The following KLF15 variants were observed in gnomAD, a reference collection of about 807,000 sequenced individuals.
KLF15 encodes KLF transcription factor 15, also known as Krueppel-like factor 15.
KLF15 carries 4 observed loss-of-function variants against 24.6 expected under a neutral mutation model. That is an observed-to-expected ratio of 0.16 (90% confidence interval 0.08 to 0.37). The LOEUF (loss-of-function observed/expected upper bound fraction) is 0.37, where lower values mean the gene tolerates loss of function less well. Ranked by LOEUF, KLF15 falls within the 10% of genes least tolerant of loss-of-function variation. The pLI is 1.00. For missense variants in KLF15, 496 were observed against 560.6 expected, an observed-to-expected ratio of 0.88 and a Z score of 1.16; for synonymous variants, 246 against 236.3, an observed-to-expected ratio of 1.04 and a Z score of -0.37.
At chr3:126,338,075 G>A (rs530232871), downstream of KLF15, among the ~76,000 whole-genome samples, 13 of 152,338 alleles carry the variant, frequency 8.5e-5, no homozygotes, top group East Asian at 2.1e-3. Flanking sequence ...TCGGGCATCC[G>A]GAAGACTGAA....
At chr3:126,296,308 C>G in the KLF15 span, among the ~76,000 whole-genome samples, 1 of 152,146 alleles carries the variant, frequency 6.6e-6, no homozygotes, top group Non-Finnish European at 1.5e-5. Context: ...CCCAGGTTCA[C>G]GCCATTCTCC....
At position 126,352,785 on chromosome 3, in the gene KLF15, G is replaced by A; in HGVS notation, c.138C>T (p.Ala46=). Residue 46 remains alanine (A), a synonymous_variant, in exon 2 of 3, where the codon GCC becomes GCT. Coordinates refer to ENST00000296233, the MANE Select transcript of KLF15 (RefSeq NM_014079.4). ...GACTGGAACAGGAGCAGGGGCTGGA[G>A]GCATCGCTGTCATCTTCAGAGACGG... ...PSPVSEDDSD[A]SSPCSCSSPD... The A allele has an allele frequency of 1.3e-6, 2 of 1,582,408 alleles. No homozygotes were observed. Among genetic ancestry groups the A allele is most frequent in the Non-Finnish European group, 1.7e-6 (2 of 1,164,082 alleles).
the KLF15 span, among the ~76,000 whole-genome samples, chr3:126,316,245 G>T: frequency 6.6e-6 from 1 of 151,830 alleles, no homozygotes; most frequent in African/African-American, 2.4e-5. Context: ...ACTGGGGCTG[G>T]GAGTGCACGG....
Position 126,352,092 on chromosome 3 carries a change from C to T in KLF15, c.831G>A (p.Lys277=), listed in dbSNP as rs1347142131. The stretch of plus-strand genomic sequence containing the variant: ...TGGGCACAGGGGCAATGCGCACAAA[C>T]TTGGAGGGCAGGTTCAAGTTGGAGG... ...VPSSNLNLPS[K]FVRIAPVPIA... Residue 277 remains lysine, a synonymous_variant, in exon 2 of 3, where the codon AAG becomes AAA. Transcript: ENST00000296233. 8.4e-6 allele frequency: 13 copies of T among 1,548,820 alleles called. No individual in the cohort carries two copies. In the Admixed American group the frequency reaches 1.6e-4, roughly 19 times the overall value.
the KLF15 span, among the ~76,000 whole-genome samples, chr3:126,323,437 CAT>C: frequency 2.0e-3 from 96 of 47,654 alleles, no homozygotes; most frequent in Non-Finnish European, 2.9e-3. Flanking sequence ...ATATATATAA[CAT>C]ATATATGTTA....
At chr3:126,345,725 G>A (rs988750450) in intron 2 of KLF15, among the ~76,000 whole-genome samples, 1 of 152,096 alleles carries the variant, frequency 6.6e-6, no homozygotes, top group African/African-American at 2.4e-5. Flanking sequence ...TGATGCCCTG[G>A]CGCCCTGACC....
At chr3:126,350,986 G>A (rs145489301) in intron 2 of KLF15, among the ~76,000 whole-genome samples, 1,807 of 152,374 alleles carry the variant, frequency 0.012, 15 homozygotes, top group Non-Finnish European at 0.02. Flanking sequence ...GCTGGCTCTG[G>A]CACCCCGGAG....
chr3:126,351,762 A>C, intron 2 of KLF15, 79 bp downstream of exon 2: 1 of 1,454,184 alleles, frequency 6.9e-7, no homozygotes, highest in Non-Finnish European at 9.3e-7. Flanking sequence ...AATGGTGGAA[A>C]ATGGCCCTGC....
the KLF15 span, among the ~76,000 whole-genome samples, chr3:126,317,600 C>T: frequency 2.6e-5 from 4 of 152,224 alleles, no homozygotes; most frequent in African/African-American, 9.6e-5. Flanking sequence ...ACACTGCGCA[C>T]CCCGGAGTGC....
At chr3:126,319,836 G>A in the KLF15 span, among the ~76,000 whole-genome samples, 1 of 152,178 alleles carries the variant, frequency 6.6e-6, no homozygotes, top group Non-Finnish European at 1.5e-5. Flanking sequence ...CAAGCCCACT[G>A]GCTCGGGGTG....
the KLF15 span, among the ~76,000 whole-genome samples, chr3:126,320,311 C>A: frequency 3.3e-5 from 5 of 152,268 alleles, no homozygotes; most frequent in East Asian, 7.7e-4. Context: ...CTTTAAATGC[C>A]GGCTCTGACT....
chr3:126,355,523 G>A (rs1171207121), intron 1 of KLF15, among the ~76,000 whole-genome samples: 2 of 152,080 alleles, frequency 1.3e-5, no homozygotes, highest in Non-Finnish European at 2.9e-5. Context: ...CACCCCTGTG[G>A]GGGCCTCCAG....
the KLF15 span, among the ~76,000 whole-genome samples, chr3:126,320,491 CACACACAT>C: frequency 6.6e-6 from 1 of 151,180 alleles, no homozygotes; most frequent in Non-Finnish European, 1.5e-5. Flanking sequence ...GCCCTGAATG[CACACACAT>C]ACACACATAC....
At chr3:126,311,860 T>C in the KLF15 span, among the ~76,000 whole-genome samples, 1 of 152,230 alleles carries the variant, frequency 6.6e-6, no homozygotes, top group Admixed American at 6.5e-5. Context: ...CCAGCCCTGC[T>C]GCTATCAACT....
At chr3:126,292,793 C>T in the KLF15 span, among the ~76,000 whole-genome samples, 1 of 151,992 alleles carries the variant, frequency 6.6e-6, no homozygotes, top group African/African-American at 2.4e-5. Flanking sequence ...GAGGACCTTT[C>T]GAAGGTCTGC....
the KLF15 span, among the ~76,000 whole-genome samples, chr3:126,289,913 C>G: frequency 6.6e-6 from 1 of 152,172 alleles, no homozygotes; most frequent in Non-Finnish European, 1.5e-5. Context: ...AAAAAGCCAG[C>G]TGGAGGGGAC....
chr3:126,295,019 C>T, the KLF15 span, among the ~76,000 whole-genome samples: 15 of 152,056 alleles, frequency 9.9e-5, no homozygotes, highest in African/African-American at 3.6e-4. Flanking sequence ...ATAATACACA[C>T]ATACACATGT....
chr3:126,354,388 C>T (rs2082613922), intron 1 of KLF15: 1 of 152,344 alleles, frequency 6.6e-6, no homozygotes, highest in Non-Finnish European at 1.5e-5. Flanking sequence ...GGGCCTGGCA[C>T]CCGGCACTGC....
the KLF15 span, among the ~76,000 whole-genome samples, chr3:126,291,442 C>T: frequency 3.3e-5 from 5 of 152,226 alleles, no homozygotes; most frequent in East Asian, 7.7e-4. Flanking sequence ...TAACCAAGGT[C>T]GGGACAGAGG....
Sources: allele counts gnomAD v4.1 joint callset (sites outside exome capture counted in the v4.1 genomes callset), GRCh38; gene constraint gnomAD v4.1.1; transcripts MANE v1.5; gene names NCBI Gene and HGNC (gene_info 2026-07-23, HGNC 2026-07-21).